CBLB: variants seen among roughly 807,000 people sequenced by gnomAD.
The protein encoded by CBLB is Cbl proto-oncogene B.
Under a neutral mutation model 104.9 loss-of-function variants are expected in CBLB, and 31 were observed. The ratio of observed to expected loss-of-function variants is 0.30; its 90% CI spans 0.22 to 0.40. The LOEUF (loss-of-function observed/expected upper bound fraction) is 0.40, where lower values mean the gene tolerates loss of function less well. Ranked by LOEUF, CBLB falls within the 10% of genes least tolerant of loss-of-function variation. The pLI, the probability that CBLB is intolerant of heterozygous loss-of-function variation, is 1.00. For missense variants in CBLB, 1,062 were observed against 1,214.6 expected (o/e 0.87, Z 1.87); for synonymous variants, 440 against 422.6 (o/e 1.04, Z -0.51).
At chr3:105,711,354 C>T (rs1282935178) in intron 10 of CBLB, among the ~76,000 whole-genome samples, 1 of 151,966 alleles carries the variant, frequency 6.6e-6, no homozygotes, top group Non-Finnish European at 1.5e-5. Context: ...ACTTTTATCA[C>T]ATGATAAAAT....
At chr3:105,804,693 T>G (rs2083296261) in intron 3 of CBLB, among the ~76,000 whole-genome samples, 2 of 152,100 alleles carry the variant, frequency 1.3e-5, no homozygotes, top group South Asian at 4.2e-4. Context: ...TTACCTGTAC[T>G]TACATGATAC....
At chr3:105,772,134 G>C (rs1476692298) in intron 4 of CBLB, among the ~76,000 whole-genome samples, 1 of 152,122 alleles carries the variant, frequency 6.6e-6, no homozygotes, top group Non-Finnish European at 1.5e-5. Flanking sequence ...ACAACACAAG[G>C]CTATAGTTAC....
Position 105,778,501 on chromosome 3 carries a change from A to G in CBLB, c.420-1959T>C, listed in dbSNP as rs529914899. The stretch of plus-strand genomic sequence containing the variant: ...GATCAAAAGTGGGAAAAGTAGTAAT[A>G]AGAAGAATGCAATAAGATATTCTAT... On this transcript the variant is annotated intron_variant, in intron 3 of 18. Coordinates refer to ENST00000394030, the MANE Select transcript of CBLB (RefSeq NM_170662.5). Among the ~76,000 whole-genome samples, 3 of 152,290 alleles carry G rather than the reference A, an allele frequency of 2.0e-5. No homozygotes were observed. In the East Asian group the frequency reaches 5.8e-4, roughly 29 times the overall value.
chr3:105,666,184 A>T (rs931453261), intron 18 of CBLB, among the ~76,000 whole-genome samples: 2 of 152,202 alleles, frequency 1.3e-5, no homozygotes, highest in Non-Finnish European at 2.9e-5. Flanking sequence ...ACCAGTGACA[A>T]TTCTTGGGAC....
rs1243932212 is a variant in CBLB at position 105,659,377 on chromosome 3, T to C, written c.2690-148A>G. 31 of 826,784 alleles carry C rather than the reference T, an allele frequency of 3.7e-5. No individual in the cohort carries two copies. In the East Asian group the frequency reaches 7.2e-4, roughly 19 times the overall value. 51.2% of individuals were successfully genotyped at this position (826,784 alleles called of 1,614,324 possible). A position where few individuals can be genotyped will look rare whatever the true frequency, so the allele number is the denominator to read the frequency against. On this transcript the variant is annotated intron_variant, in intron 18 of 18. Transcript: ENST00000394030. ...CTTTTTTTCAATTTTTCCATACTAT[T>C]GTGAGATAGGTAGTATTATCCTCAT...
intron 9 of CBLB, among the ~76,000 whole-genome samples, chr3:105,725,238 T>A (rs1044095634): frequency 1.3e-5 from 2 of 152,224 alleles, no homozygotes; most frequent in African/African-American, 2.4e-5. Context: ...GAGGACACGT[T>A]TTTACATAGT....
intron 3 of CBLB, among the ~76,000 whole-genome samples, chr3:105,832,693 G>GGTCT (rs2087745843): frequency 6.6e-6 from 1 of 152,128 alleles, no homozygotes; most frequent in African/African-American, 2.4e-5. Context: ...TCCATATAAA[G>GGTCT]GTCTAACAAT....
intron 3 of CBLB, among the ~76,000 whole-genome samples, chr3:105,847,427 CA>C (rs2090403313): frequency 6.6e-6 from 1 of 151,216 alleles, no homozygotes; most frequent in East Asian, 1.9e-4. Context: ...CACACACACA[CA>C]CCCCATTTTG....
intron 4 of CBLB, among the ~76,000 whole-genome samples, chr3:105,752,954 G>A (rs1447952593): frequency 3.3e-5 from 5 of 152,202 alleles, no homozygotes; most frequent in Admixed American, 3.3e-4. Flanking sequence ...ACAAGGCACT[G>A]TTGGGGAAAT....
At chr3:105,848,776 A>C (rs1260501301) in intron 3 of CBLB, among the ~76,000 whole-genome samples, 1 of 152,128 alleles carries the variant, frequency 6.6e-6, no homozygotes, top group East Asian at 1.9e-4. Flanking sequence ...GCTCAATTAT[A>C]GTAATGTCCC....
chr3:105,814,266 AAACT>A (rs1053315896), intron 3 of CBLB, among the ~76,000 whole-genome samples: 2 of 152,176 alleles, frequency 1.3e-5, no homozygotes, highest in African/African-American at 4.8e-5. Context: ...ACGGAAAATA[AAACT>A]AACAACATAG....
Position 105,659,138 on chromosome 3 carries a change from C to T in CBLB, c.2781G>A (p.Ala927=), listed in dbSNP as rs374734212. The change falls in exon 19 of 19, where the codon GCG becomes GCA. Residue 927 remains alanine (A), a synonymous_variant. Transcript: ENST00000394030. ...IHHRKPHGPE[A]ALENVDAKIA... is the part of the protein sequence containing the mutation. ...TTTTTGCATCGACATTTTCCAATGC[C>T]GCCTCAGGCCCATGGGGTTTTCTGT... The T allele has an allele frequency of 8.4e-5, 136 of 1,613,844 alleles. 1 individual carries two copies. The highest frequency in any genetic ancestry group is 1.0e-4 in the Non-Finnish European group (119 of 1,179,958).
chr3:105,686,854 A>G (rs919289033), intron 13 of CBLB, among the ~76,000 whole-genome samples: 3 of 152,156 alleles, frequency 2.0e-5, no homozygotes, highest in East Asian at 1.9e-4. Flanking sequence ...AAGCATAGTG[A>G]CAAAAGGTCC....
chr3:105,759,412 G>C (rs1019916730), intron 4 of CBLB, among the ~76,000 whole-genome samples: 6 of 152,186 alleles, frequency 3.9e-5, no homozygotes, highest in African/African-American at 1.2e-4. Context: ...GGCTTCAATG[G>C]GGACCTGCCC....
chr3:105,784,569 A>G (rs2080729160), intron 3 of CBLB, among the ~76,000 whole-genome samples: 1 of 152,214 alleles, frequency 6.6e-6, no homozygotes, highest in Admixed American at 6.5e-5. Flanking sequence ...CCAGTAGTCT[A>G]TCATAAAACA....
intron 3 of CBLB, among the ~76,000 whole-genome samples, chr3:105,846,810 G>T (rs2090314805): frequency 6.6e-6 from 1 of 152,014 alleles, no homozygotes; most frequent in Non-Finnish European, 1.5e-5. Flanking sequence ...ATTAAACTGT[G>T]AGGTCCAGTA....
chr3:105,752,688 A>G (rs902981004), intron 4 of CBLB, among the ~76,000 whole-genome samples: 2 of 152,214 alleles, frequency 1.3e-5, no homozygotes, highest in Admixed American at 6.5e-5. Context: ...CTTCAATGAG[A>G]TATCACCATA....
intron 17 of CBLB, chr3:105,670,884 G>C (rs926368458): frequency 1.3e-5 from 2 of 159,618 alleles, no homozygotes; most frequent in East Asian, 3.1e-4. Flanking sequence ...GTACATACAA[G>C]GTGCTTATTA....
rs144024978 is a variant in CBLB, at chr3:105,857,321, G to C, written c.169-3657C>G. Among the ~76,000 whole-genome samples, 923 of 152,240 alleles carry C rather than the reference G, an allele frequency of 6.1e-3. 11 individuals are homozygous for C. The highest frequency in any genetic ancestry group is 0.021 in the African/African-American group (876 of 41,542). ...TTGCTTTATCAGGTGGAAATTGCTTGAACTACTATATGCCAGGTACTGAGC... is the reference window on the plus strand; with the variant it reads ...TTGCTTTATCAGGTGGAAATTGCTTCAACTACTATATGCCAGGTACTGAGC... On this transcript the variant is annotated intron_variant, in intron 2 of 18. Transcript: ENST00000394030.
Sources: allele counts gnomAD v4.1 joint callset (sites outside exome capture counted in the v4.1 genomes callset), GRCh38; gene constraint gnomAD v4.1.1; transcripts MANE v1.5; gene names NCBI Gene and HGNC (gene_info 2026-07-23, HGNC 2026-07-21).